The following RSU1 variants were observed in gnomAD, a reference collection of about 807,000 sequenced individuals.
RSU1 encodes the protein rsu-1.
A neutral mutation model predicts 31.1 loss-of-function variants in RSU1; 26 were observed. The observed-to-expected ratio is 0.84, with a 90% CI of 0.61 to 1.16. The LOEUF is 1.16. Ranked by LOEUF, RSU1 falls within the 50% of genes most tolerant of loss-of-function variation. The probability of loss-of-function intolerance (pLI) is 0.00; values close to 1 mark genes in which losing one functional copy is unlikely to be tolerated. For missense variants in RSU1, 320 were observed against 339.1 expected, an observed-to-expected ratio of 0.94 and a Z score of 0.44; for synonymous variants, 164 against 136.3, an observed-to-expected ratio of 1.20 and a Z score of -1.41.
chr10:16,815,714 G>T (rs1229451300), intron 2 of RSU1, among the ~76,000 whole-genome samples: 1 of 152,190 alleles, frequency 6.6e-6, no homozygotes, highest in Non-Finnish European at 1.5e-5. Context: ...CTATGTGAGA[G>T]GAGTCACAAA....
At chr10:16,596,804 C>G (rs554676723) in intron 8 of RSU1, among the ~76,000 whole-genome samples, 2 of 152,340 alleles carry the variant, frequency 1.3e-5, no homozygotes, top group African/African-American at 2.4e-5. Flanking sequence ...TTCACTGCAG[C>G]TTCTGCCTCC....
intron 7 of RSU1, among the ~76,000 whole-genome samples, chr10:16,752,058 C>T (rs1836990516): frequency 1.3e-5 from 2 of 152,142 alleles, no homozygotes; most frequent in South Asian, 4.1e-4. Context: ...GGCAAATTCA[C>T]GACCCGCAGA....
At chr10:16,674,943 G>A (rs1835199010) in intron 8 of RSU1, among the ~76,000 whole-genome samples, 1 of 152,176 alleles carries the variant, frequency 6.6e-6, no homozygotes, top group Non-Finnish European at 1.5e-5. Context: ...TGAGGCAGGA[G>A]CATCTTTTGA....
At chr10:16,752,400 T>G in intron 7 of RSU1, 139 bp downstream of exon 7, 1 of 641,960 alleles carries the variant, frequency 1.6e-6, no homozygotes, top group East Asian at 2.8e-5. Context: ...CAATGACAAA[T>G]GGTTCTCAAA....
chr10:16,740,473 A>C (rs571695522), intron 7 of RSU1, among the ~76,000 whole-genome samples: 1 of 152,200 alleles, frequency 6.6e-6, no homozygotes, highest in South Asian at 2.1e-4. Context: ...TATATTCCAC[A>C]CTGTACTAGA....
chr10:16,760,809 C>T (rs1405589750), intron 4 of RSU1, among the ~76,000 whole-genome samples: 1 of 152,154 alleles, frequency 6.6e-6, no homozygotes, highest in Non-Finnish European at 1.5e-5. Flanking sequence ...TTATTGGTCT[C>T]CTAACCTCTA....
intron 3 of RSU1, among the ~76,000 whole-genome samples, chr10:16,768,235 G>A (rs1402022639): frequency 6.6e-6 from 1 of 152,166 alleles, no homozygotes; most frequent in Non-Finnish European, 1.5e-5. Context: ...CTGGGCCTCT[G>A]TAAAATAAGA....
chr10:16,651,789 T>C (rs1045882247), intron 8 of RSU1, among the ~76,000 whole-genome samples: 12 of 152,252 alleles, frequency 7.9e-5, no homozygotes, highest in Non-Finnish European at 1.5e-4. Flanking sequence ...AGATAGCTTT[T>C]ATACCTAATG....
chr10:16,789,322 G>C, intron 2 of RSU1, among the ~76,000 whole-genome samples: 1 of 152,120 alleles, frequency 6.6e-6, no homozygotes, highest in East Asian at 1.9e-4. Flanking sequence ...TGGTAAAGTA[G>C]GTAAGAGGAA....
At chr10:16,811,205 G>C (rs1046071415) in intron 2 of RSU1, among the ~76,000 whole-genome samples, 2 of 152,184 alleles carry the variant, frequency 1.3e-5, no homozygotes, top group Non-Finnish European at 2.9e-5. Context: ...GCAAAAGCCT[G>C]AGTCACAAGC....
chr10:16,656,523 A>G (rs1034209483), intron 8 of RSU1, among the ~76,000 whole-genome samples: 1 of 152,184 alleles, frequency 6.6e-6, no homozygotes, highest in African/African-American at 2.4e-5. Context: ...AAAGAATTCT[A>G]TTTTATTTTA....
At chr10:16,636,347 A>G (rs1834344756) in intron 8 of RSU1, among the ~76,000 whole-genome samples, 1 of 152,076 alleles carries the variant, frequency 6.6e-6, no homozygotes, top group Admixed American at 6.6e-5. Context: ...GCTAAAATAT[A>G]AAGTGAGCCC....
chr10:16,595,049 G>C (rs908498425), intron 8 of RSU1, among the ~76,000 whole-genome samples: 5 of 151,834 alleles, frequency 3.3e-5, no homozygotes, highest in Admixed American at 2.0e-4. Context: ...CTCCCAAAGT[G>C]CTGAGATTCA....
chr10:16,723,760 G>C (rs1836329004), intron 7 of RSU1, among the ~76,000 whole-genome samples: 1 of 152,070 alleles, frequency 6.6e-6, no homozygotes, highest in South Asian at 2.1e-4. Flanking sequence ...AGAGGGTGGA[G>C]GGCAGGACGC....
chr10:16,658,230 C>T (rs1834826498), intron 8 of RSU1, among the ~76,000 whole-genome samples: 1 of 152,068 alleles, frequency 6.6e-6, no homozygotes, highest in Non-Finnish European at 1.5e-5. Context: ...GAAATAAAAG[C>T]AGAATATATC....
intron 7 of RSU1, among the ~76,000 whole-genome samples, chr10:16,731,774 C>A (rs2131600966): frequency 6.6e-6 from 1 of 152,012 alleles, no homozygotes; most frequent in East Asian, 1.9e-4. Flanking sequence ...TAGGCTTGGT[C>A]ATTGATCTTC....
intron 3 of RSU1, among the ~76,000 whole-genome samples, chr10:16,765,997 A>T (rs532986631): frequency 6.6e-6 from 1 of 152,362 alleles, no homozygotes; most frequent in African/African-American, 2.4e-5. Flanking sequence ...ACAAAAGTAA[A>T]GGGACAGGCA....
At chr10:16,804,888 G>C (rs1838234322) in intron 2 of RSU1, among the ~76,000 whole-genome samples, 1 of 152,150 alleles carries the variant, frequency 6.6e-6, no homozygotes, top group Admixed American at 6.5e-5. Context: ...ACTGTTCCAT[G>C]TGATACTGTA....
intron 8 of RSU1, among the ~76,000 whole-genome samples, chr10:16,630,940 G>A (rs865828164): frequency 1.3e-5 from 2 of 152,202 alleles, no homozygotes; most frequent in South Asian, 2.1e-4. Flanking sequence ...TTCTCACTGC[G>A]AGCAAGGGTT....
Sources: gnomAD v4.1 joint callset for allele counts (sites outside exome capture counted in the v4.1 genomes callset) on GRCh38, gnomAD v4.1.1 for gene constraint, MANE v1.5 for transcripts, NCBI Gene and HGNC (gene_info 2026-07-23, HGNC 2026-07-21) for gene names.